Variants in TCF4 observed in about 807,000 individuals in gnomAD.
The protein encoded by TCF4 is SL3-3 enhancer factor 2.
In TCF4, 3 loss-of-function variants were observed where a neutral mutation model predicts 82.1. The ratio of observed to expected loss-of-function variants is 0.04; its 90% CI spans 0.02 to 0.09. The LOEUF (loss-of-function observed/expected upper bound fraction) is 0.09. TCF4 is among the 10% of genes least tolerant of loss of function. The pLI is 1.00. For synonymous variants in TCF4, 276 were observed against 309.6 expected (o/e 0.89, Z 1.14); for missense variants, 518 against 852.7 (o/e 0.61, Z 4.89).
At chr18:55,236,561 C>A (rs902598743) in intron 15 of TCF4, among the ~76,000 whole-genome samples, 1 of 152,112 alleles carries the variant, frequency 6.6e-6, no homozygotes, top group African/African-American at 2.4e-5. Flanking sequence ...CCTGCTCCAG[C>A]AACCATTTGT....
intron 3 of TCF4, among the ~76,000 whole-genome samples, chr18:55,522,869 A>G (rs1406302708): frequency 2.0e-5 from 3 of 152,102 alleles, no homozygotes; most frequent in Non-Finnish European, 4.4e-5. Flanking sequence ...TAAAATGTAC[A>G]CTACAGAAAA....
intron 3 of TCF4, among the ~76,000 whole-genome samples, chr18:55,500,960 G>T (rs2096692188): frequency 6.6e-6 from 1 of 152,096 alleles, no homozygotes; most frequent in South Asian, 2.1e-4. Flanking sequence ...GAAAAATTCT[G>T]ACTCACTCTG....
At chr18:55,607,229 GT>G (rs1453640969) in intron 2 of TCF4, among the ~76,000 whole-genome samples, 1 of 152,196 alleles carries the variant, frequency 6.6e-6, no homozygotes, top group Non-Finnish European at 1.5e-5. Context: ...CGAGGAACCT[GT>G]AAACCAGTGG....
rs114469382 is a variant in TCF4 at position 55,285,695 on chromosome 18, T to C, written c.550-6039A>G. 1.4e-3 allele frequency among the ~76,000 whole-genome samples: 212 copies of C among 152,286 alleles called. 1 individual carries two copies. The highest frequency in any genetic ancestry group is 5.0e-3 in the African/African-American group (208 of 41,564). ...ACCGGGGAGTCCCAGTGTAGAGTCA[T>C]GTTCATCCATGAGGAAGGCACTGGG... is the stretch of plus-strand genomic sequence containing the variant. On this transcript the variant is annotated intron_variant, in intron 8 of 19. Coordinates refer to ENST00000354452, the MANE Select transcript of TCF4 (RefSeq NM_001083962.2).
intron 15 of TCF4, among the ~76,000 whole-genome samples, chr18:55,245,692 C>CT (rs558849877): frequency 3.3e-4 from 50 of 152,266 alleles, no homozygotes; most frequent in African/African-American, 1.1e-3. Flanking sequence ...TCTGAAACGC[C>CT]TTTTCTATCC....
intron 3 of TCF4, among the ~76,000 whole-genome samples, chr18:55,464,865 G>A (rs997895195): frequency 6.6e-6 from 1 of 152,108 alleles, no homozygotes; most frequent in Non-Finnish European, 1.5e-5. Context: ...ATGAACCATC[G>A]AAAAGTTGGA....
intron 11 of TCF4, chr18:55,266,642 GATGA>G (rs1429134452): frequency 6.6e-6 from 1 of 151,586 alleles, no homozygotes; most frequent in Admixed American, 6.6e-5. Context: ...AAAATCCATG[GATGA>G]ATGTGTCATG....
At chr18:55,272,547 T>C (rs2060606995) in intron 10 of TCF4, among the ~76,000 whole-genome samples, 1 of 152,138 alleles carries the variant, frequency 6.6e-6, no homozygotes, top group African/African-American at 2.4e-5. Context: ...AGAGTAATTG[T>C]TGGAAATGTT....
At chr18:55,367,422 AG>A (rs986170324) in intron 6 of TCF4, among the ~76,000 whole-genome samples, 4 of 152,218 alleles carry the variant, frequency 2.6e-5, no homozygotes, top group Non-Finnish European at 5.9e-5. Context: ...TACTGGCTAA[AG>A]GGGTTGAGGA....
intron 5 of TCF4, among the ~76,000 whole-genome samples, chr18:55,419,752 C>T (rs748324895): frequency 3.3e-5 from 5 of 152,100 alleles, no homozygotes; most frequent in Admixed American, 2.0e-4. Context: ...CAAACATTTC[C>T]ACCAGCCAGC....
chr18:55,447,967 T>A (rs1227564288), intron 5 of TCF4, among the ~76,000 whole-genome samples: 3 of 129,402 alleles, frequency 2.3e-5, no homozygotes, highest in African/African-American at 8.7e-5. Flanking sequence ...GATGAACTTA[T>A]AAAATGAACA....
intron 6 of TCF4, among the ~76,000 whole-genome samples, chr18:55,398,151 T>C (rs1043794274): frequency 7.2e-5 from 11 of 152,286 alleles, no homozygotes; most frequent in Admixed American, 7.2e-4. Flanking sequence ...TCTTAACCAA[T>C]GCAATGAAAG....
At chr18:55,351,112 G>A in intron 6 of TCF4, 109 bp from the exon 7 acceptor site, 1 of 1,360,496 alleles carries the variant, frequency 7.4e-7, no homozygotes, top group South Asian at 1.2e-5. Context: ...AACAGCATCT[G>A]CTAAGCTGAG....
chr18:55,321,414 C>T, intron 8 of TCF4: 1 of 554,000 alleles, frequency 1.8e-6, no homozygotes, highest in Non-Finnish European at 3.2e-6. Context: ...CAAACTTTCG[C>T]TCTAGGATCC....
chr18:55,454,114 T>C, intron 5 of TCF4, among the ~76,000 whole-genome samples: 1 of 152,072 alleles, frequency 6.6e-6, no homozygotes, highest in Non-Finnish European at 1.5e-5. Context: ...CCTTCCACCT[T>C]GGCCTCCCAA....
intron 5 of TCF4, among the ~76,000 whole-genome samples, chr18:55,443,214 G>C (rs546251256): frequency 1.3e-5 from 2 of 152,244 alleles, no homozygotes; most frequent in South Asian, 4.2e-4. Flanking sequence ...ATGCCTAGCT[G>C]TCAGGTTACT....
intron 2 of TCF4, among the ~76,000 whole-genome samples, chr18:55,602,624 A>T (rs2097698290): frequency 6.6e-6 from 1 of 152,236 alleles, no homozygotes; most frequent in African/African-American, 2.4e-5. Context: ...GCAAGTTCAC[A>T]TTACATCCAC....
At chr18:55,493,753 T>A (rs948379945) in intron 3 of TCF4, among the ~76,000 whole-genome samples, 1 of 152,138 alleles carries the variant, frequency 6.6e-6, no homozygotes. Flanking sequence ...AATATCCAAA[T>A]ACCAAAATGC....
chr18:55,327,020 T>C (rs2076677441), intron 8 of TCF4, among the ~76,000 whole-genome samples: 1 of 152,084 alleles, frequency 6.6e-6, no homozygotes, highest in Admixed American at 6.5e-5. Context: ...ACAGAATTTA[T>C]TCTGATGACA....
Sources: allele counts gnomAD v4.1 joint callset (sites outside exome capture counted in the v4.1 genomes callset), GRCh38; gene constraint gnomAD v4.1.1; transcripts MANE v1.5; gene names NCBI Gene and HGNC (gene_info 2026-07-23, HGNC 2026-07-21).